Variants in UNC80 observed in about 807,000 individuals in gnomAD.
UNC80 encodes protein unc-80 homolog.
Under a neutral mutation model 384.6 loss-of-function variants are expected in UNC80, and 164 were observed. The observed-to-expected ratio is 0.43, with a 90% CI of 0.38 to 0.49. UNC80 has a LOEUF of 0.49. UNC80 is among the 20% of genes least tolerant of loss of function. UNC80 has a pLI of 0.00. For missense variants in UNC80, 3,330 were observed against 4,143.0 expected (o/e 0.80, Z 5.39); for synonymous variants, 1,486 against 1,527.8 (o/e 0.97, Z 0.64).
At chr2:209,915,262 G>T (rs560370460) in intron 31 of UNC80, among the ~76,000 whole-genome samples, 3 of 151,838 alleles carry the variant, frequency 2.0e-5, no homozygotes, top group Admixed American at 2.0e-4. Context: ...AAAATTAGCC[G>T]GGCATGGTGG....
intron 53 of UNC80, among the ~76,000 whole-genome samples, chr2:209,970,569 A>G (rs2092855576): frequency 6.6e-6 from 1 of 152,218 alleles, no homozygotes; most frequent in African/African-American, 2.4e-5. Context: ...TCCTGATTAG[A>G]ATAGCTTTTT....
At chr2:209,921,325 A>G (rs2090023957) in intron 33 of UNC80, among the ~76,000 whole-genome samples, 175 bp from the exon 34 acceptor site, 1 of 152,202 alleles carries the variant, frequency 6.6e-6, no homozygotes, top group African/African-American at 2.4e-5. Flanking sequence ...TAGCTTAACC[A>G]TACACAGCTT....
intron 36 of UNC80, among the ~76,000 whole-genome samples, chr2:209,928,879 C>G (rs905658625): frequency 3.9e-5 from 6 of 152,110 alleles, no homozygotes; most frequent in African/African-American, 1.4e-4. Flanking sequence ...CTGTCCACTT[C>G]CGAGAGATCA....
intron 22 of UNC80, among the ~76,000 whole-genome samples, chr2:209,861,566 A>C (rs112231661): frequency 0.013 from 1,952 of 152,280 alleles, 44 homozygotes; most frequent in African/African-American, 0.043. Flanking sequence ...GTTAGGGAGA[A>C]GTCCCTCCTT....
chr2:209,777,397 T>G lies in UNC80; in HGVS notation c.438T>G (p.Ser146Arg). The G allele has an allele frequency of 6.2e-7, 1 of 1,614,214 alleles. No individual in the cohort carries two copies. Among genetic ancestry groups the G allele is most frequent in the Non-Finnish European group, 8.5e-7 (1 of 1,180,026 alleles). ...DRGSSWGGSSSAFIHQVENQG... is the reference protein window; with the variant it reads ...DRGSSWGGSSRAFIHQVENQG... ...GCTCCAGCTGGGGTGGAAGCAGCAG[T>G]GCTTTCATCCACCAGGTTGAAAACC... Residue 146 changes from serine (S) to arginine (R), a missense_variant, in exon 4 of 65, where the codon AGT (serine) becomes AGG (arginine). By Grantham distance (110) the Ser-to-Arg change is moderately radical. Transcript: ENST00000673920.
intron 33 of UNC80, among the ~76,000 whole-genome samples, chr2:209,921,202 CATA>C (rs2090015259): frequency 6.6e-6 from 1 of 152,038 alleles, no homozygotes; most frequent in Admixed American, 6.6e-5. Flanking sequence ...TTTATTTGAT[CATA>C]ATATTTAAAG....
chr2:209,837,956 A>G (rs1434429636), intron 18 of UNC80, among the ~76,000 whole-genome samples: 2 of 151,986 alleles, frequency 1.3e-5, no homozygotes, highest in Non-Finnish European at 2.9e-5. Flanking sequence ...TATTTTTAGT[A>G]GAGACGGGGT....
Position 209,993,440 on chromosome 2 carries a change from T to C in UNC80, c.9508+14T>C. 6.5e-7 allele frequency: 1 copy of C among 1,548,486 alleles called. No individual in the cohort carries two copies. The highest frequency in any genetic ancestry group is 8.7e-7 in the Non-Finnish European group (1 of 1,144,224). On this transcript the variant is annotated intron_variant, in intron 63 of 64. Coordinates refer to ENST00000673920, the MANE Select transcript of UNC80 (RefSeq NM_001371986.1). ...CGAAGCCGTCTGGTGAGGCCTCCTG[T>C]GTCCCTTCTGACTATACCATTGACA...
chr2:209,956,572 A>T (rs114435378), intron 48 of UNC80, among the ~76,000 whole-genome samples: 5,531 of 149,860 alleles, frequency 0.037, 335 homozygotes, highest in African/African-American at 0.13. Context: ...TTTTTTTTTT[A>T]AATTTTTTAA....
chr2:209,937,001 C>A, intron 41 of UNC80, 68 bp downstream of exon 41: 2 of 1,124,470 alleles, frequency 1.8e-6, no homozygotes, highest in Non-Finnish European at 2.6e-6. Flanking sequence ...CTGAGGGTGG[C>A]TCACAGTCAG....
intron 22 of UNC80, among the ~76,000 whole-genome samples, chr2:209,866,741 A>G (rs748681947): frequency 1.3e-5 from 2 of 152,298 alleles, no homozygotes; most frequent in East Asian, 3.9e-4. Flanking sequence ...AAAATTTCCT[A>G]ATCAACTTTC....
At position 209,849,480 on chromosome 2, in the gene UNC80, C is replaced by A; in HGVS notation, c.3484C>A (p.Pro1162Thr). Residue 1162 changes from proline (P) to threonine (T), a missense_variant, in exon 22 of 65, where the codon CCC (proline) becomes ACC (threonine). Pro to Thr is a conservative substitution (Grantham distance 38). Transcript: ENST00000673920. ...GCHSFDDHLS[P>T]NQDGGKSKNV... is the part of the protein sequence containing the mutation. ...CCACAGTTTTGATGATCATCTCTCT[C>A]CCAACCAAGATGGTGGAAAAAGCAA... 1 of 1,550,990 alleles carries A rather than the reference C, an allele frequency of 6.4e-7. No homozygotes were observed. The highest frequency in any genetic ancestry group is 8.7e-7 in the Non-Finnish European group (1 of 1,146,474).
At position 209,938,443 on chromosome 2, in the gene UNC80, C is replaced by G. The variant is rs542356577; in HGVS notation, c.6465+813C>G. On this transcript the variant is annotated intron_variant, in intron 42 of 64. Coordinates refer to ENST00000673920, the MANE Select transcript of UNC80 (RefSeq NM_001371986.1). ...ATATCTTCATGAAATGGGTGAGCAT[C>G]GCATAGAATTAGACCACTTAAGTAA... is the stretch of plus-strand genomic sequence containing the variant. Among the ~76,000 whole-genome samples the G allele has an allele frequency of 3.6e-4, 55 of 152,174 alleles. 1 individual carries two copies. Among genetic ancestry groups the G allele is most frequent in the African/African-American group, 1.3e-3 (52 of 41,524 alleles).
chr2:209,805,124 T>C (rs2078812316), intron 7 of UNC80, among the ~76,000 whole-genome samples: 1 of 152,226 alleles, frequency 6.6e-6, no homozygotes, highest in Non-Finnish European at 1.5e-5. Flanking sequence ...CTCAACTTAC[T>C]ATAAGAGCAA....
chr2:209,973,006 A>G, intron 55 of UNC80, 58 bp from the exon 56 acceptor site: 1 of 1,488,636 alleles, frequency 6.7e-7, no homozygotes, highest in Non-Finnish European at 9.1e-7. Context: ...TCTACTGTGG[A>G]CAGTCTACCT....
intron 25 of UNC80, among the ~76,000 whole-genome samples, chr2:209,883,606 A>G (rs2085496784): frequency 1.3e-5 from 2 of 150,090 alleles, no homozygotes; most frequent in Admixed American, 1.3e-4. Context: ...AATTTTTTTT[A>G]TTTTTTTTAG....
rs1354531310 is a variant in UNC80, at chr2:209,815,416, T to C, written c.1335+25T>C. Reference sequence around the variant, plus strand: ...GGTGAGTAGAAATGCTTATGCTCTTTGATATTTTGGTAAATAAAAAATGTC... The same window carrying C: ...GGTGAGTAGAAATGCTTATGCTCTTCGATATTTTGGTAAATAAAAAATGTC... On this transcript the variant is annotated intron_variant, in intron 9 of 64. Coordinates refer to ENST00000673920, the MANE Select transcript of UNC80 (RefSeq NM_001371986.1). 3.9e-6 allele frequency: 6 copies of C among 1,542,212 alleles called. No homozygotes were observed. The South Asian group carries it at 6.0e-5, about 15-fold the overall frequency.
chr2:209,997,671 A>G lies in UNC80; in HGVS notation c.*2076A>G, dbSNP rs1416621818. ...TCCTTCACTCTTGTGTGTGAAGTCT[A>G]TTAGCAACTTTCAATAAGCTAAGCA... On this transcript the variant is annotated 3_prime_UTR_variant, in exon 65 of 65. Coordinates refer to ENST00000673920, the MANE Select transcript of UNC80 (RefSeq NM_001371986.1). 2 of 152,232 alleles carry G rather than the reference A, an allele frequency of 1.3e-5. No individual in the cohort carries two copies. The highest frequency in any genetic ancestry group is 2.4e-5 in the African/African-American group (1 of 41,460). The allele number at this position is 152,232 out of a possible 1,614,324, so 9.4% of individuals were successfully genotyped here. A position where few individuals can be genotyped will look rare whatever the true frequency, so the allele number is the denominator to read the frequency against.
intron 13 of UNC80, among the ~76,000 whole-genome samples, chr2:209,822,917 ATAGT>A (rs1254173452): frequency 4.6e-5 from 7 of 152,194 alleles, no homozygotes; most frequent in Non-Finnish European, 7.3e-5. Context: ...GATATGTTTT[ATAGT>A]TAGTTACCAA....
Sources: allele counts gnomAD v4.1 joint callset (sites outside exome capture counted in the v4.1 genomes callset), GRCh38; gene constraint gnomAD v4.1.1; transcripts MANE v1.5; gene names NCBI Gene and HGNC (gene_info 2026-07-23, HGNC 2026-07-21).